Variants in FNBP1L observed in about 807,000 individuals in gnomAD.
The protein encoded by FNBP1L is formin-binding protein 1-like.
Under a neutral mutation model 91.2 loss-of-function variants are expected in FNBP1L, and 36 were observed. The ratio of observed to expected loss-of-function variants is 0.39; its 90% confidence interval spans 0.30 to 0.52. The LOEUF is 0.52. Among genes scored for constraint, FNBP1L ranks in the 20% least tolerant of loss-of-function variants. The pLI is 0.66. For missense variants in FNBP1L, 571 were observed against 732.1 expected, an observed-to-expected ratio of 0.78 and a Z score of 2.54; for synonymous variants, 242 against 237.0, an observed-to-expected ratio of 1.02 and a Z score of -0.19.
chr1:93,549,827 A>AC (rs1423315818), intron 15 of FNBP1L, among the ~76,000 whole-genome samples: 4 of 152,128 alleles, frequency 2.6e-5, no homozygotes. Context: ...ACATTAAGAG[A>AC]CAGGTACAAG....
chr1:93,489,852 G>A (rs1670038669), intron 1 of FNBP1L, among the ~76,000 whole-genome samples: 1 of 152,136 alleles, frequency 6.6e-6, no homozygotes, highest in Non-Finnish European at 1.5e-5. Context: ...AGTTTCTGCA[G>A]TCCATAAGAG....
intron 14 of FNBP1L, 109 bp downstream of exon 14, chr1:93,547,550 T>C (rs2101774950): frequency 1.2e-6 from 1 of 851,876 alleles, no homozygotes; most frequent in Admixed American, 2.7e-5. Context: ...AAGTTAAGCT[T>C]TTAGTAACCT....
chr1:93,459,735 A>G (rs2101686784), intron 1 of FNBP1L, among the ~76,000 whole-genome samples: 1 of 152,286 alleles, frequency 6.6e-6, no homozygotes. Flanking sequence ...TATCCAAAGG[A>G]TAGGAAATTA....
intron 10 of FNBP1L, among the ~76,000 whole-genome samples, chr1:93,537,463 A>G (rs561998698): frequency 3.3e-5 from 5 of 151,912 alleles, no homozygotes; most frequent in Admixed American, 2.0e-4. Context: ...TTGGCCTCCT[A>G]TAGAACAAGA....
At chr1:93,480,124 T>G (rs2554841) in intron 1 of FNBP1L, among the ~76,000 whole-genome samples, 1 of 152,152 alleles carries the variant, frequency 6.6e-6, no homozygotes, top group Non-Finnish European at 1.5e-5. Flanking sequence ...CTGGTCCCTC[T>G]GTTAGGGGTC....
intron 1 of FNBP1L, among the ~76,000 whole-genome samples, chr1:93,455,388 T>C (rs569456154): frequency 1.3e-5 from 2 of 152,346 alleles, no homozygotes; most frequent in East Asian, 1.9e-4. Flanking sequence ...AAGGTCTCGC[T>C]GTATTGCTCA....
At position 93,546,702 on chromosome 1, in the gene FNBP1L, A is replaced by G. The variant is rs370264013; in HGVS notation, c.1275-140A>G. ...ACCTTTATGCAAATTGTCTTTAATC[A>G]GGTCATGTTAGACAAACTTAAAAAG... On this transcript the variant is annotated intron_variant, in intron 12 of 16. Transcript: ENST00000271234. The G allele has an allele frequency of 4.1e-4, 327 of 795,126 alleles. 1 individual carries two copies. The South Asian group carries it at 6.0e-3, about 15-fold the overall frequency. 49.3% of individuals were successfully genotyped at this position (795,126 alleles called of 1,614,324 possible). A position where few individuals can be genotyped will look rare whatever the true frequency, so the allele number is the denominator to read the frequency against.
At chr1:93,485,800 G>T (rs1038418144) in intron 1 of FNBP1L, among the ~76,000 whole-genome samples, 1 of 152,132 alleles carries the variant, frequency 6.6e-6, no homozygotes, top group Admixed American at 6.5e-5. Flanking sequence ...GGGTTCAAAC[G>T]ATTCTCCTGC....
At chr1:93,548,221 T>C (rs114336866) in intron 14 of FNBP1L, among the ~76,000 whole-genome samples, 1 of 152,188 alleles carries the variant, frequency 6.6e-6, no homozygotes, top group Non-Finnish European at 1.5e-5. Flanking sequence ...GTTTTTGTTA[T>C]TAGGTAAAAC....
chr1:93,463,308 G>C (rs1414803505), intron 1 of FNBP1L, among the ~76,000 whole-genome samples: 1 of 152,036 alleles, frequency 6.6e-6, no homozygotes, highest in Non-Finnish European at 1.5e-5. Context: ...AACAGATCTG[G>C]GTGCTGGGTA....
In FNBP1L at chr1:93,539,864, G is replaced by A. The variant is rs562126006; in HGVS notation, c.1150-1178G>A. On this transcript the variant is annotated intron_variant, in intron 10 of 16. Coordinates refer to ENST00000271234, the MANE Select transcript of FNBP1L (RefSeq NM_001164473.3). Reference sequence around the variant, plus strand: ...CAGTGACCAACTCATCAGAGATAAGGGGTAGATATTTTTGTCAGATTATTT... The same window carrying A: ...CAGTGACCAACTCATCAGAGATAAGAGGTAGATATTTTTGTCAGATTATTT... Among the ~76,000 whole-genome samples the A allele has an allele frequency of 5.3e-5, 8 of 152,104 alleles. No individual in the cohort carries two copies. In the South Asian group the frequency reaches 1.7e-3, roughly 32 times the overall value.
intron 5 of FNBP1L, among the ~76,000 whole-genome samples, chr1:93,525,936 T>C (rs1671478455): frequency 6.6e-6 from 1 of 152,190 alleles, no homozygotes; most frequent in African/African-American, 2.4e-5. Flanking sequence ...TGTAGGATTC[T>C]ATTTCCTAGT....
intron 2 of FNBP1L, among the ~76,000 whole-genome samples, chr1:93,510,372 C>T (rs143668772): frequency 3.6e-4 from 55 of 152,162 alleles, no homozygotes; most frequent in African/African-American, 6.5e-4. Context: ...CGGCTGGGTA[C>T]TCCAACAGAC....
chr1:93,546,860 G>C lies in FNBP1L; in HGVS notation c.1293G>C (p.Met431Ile), dbSNP rs1174689432. The part of the protein sequence containing the change: ...ESDQKDALNK[M>I]KDVYEKNPQM... ...TTTTTAGAGATGCACTCAACAAAATGAAAGATGTATATGAGAAGAATCCAC... is the reference window on the plus strand; with the variant it reads ...TTTTTAGAGATGCACTCAACAAAATCAAAGATGTATATGAGAAGAATCCAC... Residue 431 changes from methionine to isoleucine, a missense_variant, in exon 13 of 17, where the codon ATG becomes ATC. Physicochemically the swap from Met to Ile is conservative, Grantham distance 10 (BLOSUM62 1). Around this residue, in one of 5 missense-constraint regions of FNBP1L, gnomAD observed 189 missense variants for 219.7 expected, o/e 0.86. Transcript: ENST00000271234. The C allele has an allele frequency of 9.9e-6, 16 of 1,612,404 alleles. No homozygotes were observed. The highest frequency in any genetic ancestry group is 2.7e-5 in the African/African-American group (2 of 74,836).
At chr1:93,533,271 A>G (rs909847078) in intron 8 of FNBP1L, among the ~76,000 whole-genome samples, 1 of 152,216 alleles carries the variant, frequency 6.6e-6, no homozygotes, top group Admixed American at 6.5e-5. Context: ...TTAAAAAAAA[A>G]AAAAAGATTT....
intron 1 of FNBP1L, among the ~76,000 whole-genome samples, chr1:93,453,848 T>C (rs72961359): frequency 0.027 from 4,186 of 152,320 alleles, 200 homozygotes; most frequent in African/African-American, 0.095. Flanking sequence ...CTATTATGGC[T>C]TCAGCACTAA....
intron 11 of FNBP1L, 117 bp from the exon 12 acceptor site, chr1:93,543,990 G>GCCGTATCATTAAAAAA: frequency 1.8e-6 from 1 of 568,118 alleles, no homozygotes; most frequent in South Asian, 5.2e-5. Context: ...GGGGTTGCTT[G>GCCGTATCATTAAAAAA]AGGCAAATTT....
intron 1 of FNBP1L, among the ~76,000 whole-genome samples, chr1:93,477,560 A>G (rs1294218227): frequency 6.6e-6 from 1 of 152,246 alleles, no homozygotes; most frequent in Non-Finnish European, 1.5e-5. Flanking sequence ...TCTATTTCTC[A>G]TTAGACCTTT....
chr1:93,550,457 G>T (rs1455055980), intron 15 of FNBP1L, among the ~76,000 whole-genome samples: 1 of 152,174 alleles, frequency 6.6e-6, no homozygotes. Context: ...GAGTGAAAGA[G>T]TTGTGTATGG....
Sources: allele counts gnomAD v4.1 joint callset (sites outside exome capture counted in the v4.1 genomes callset), GRCh38; gene constraint gnomAD v4.1.1; regional missense constraint gnomAD v4.1.1; transcripts MANE v1.5; gene names NCBI Gene and HGNC (gene_info 2026-07-23, HGNC 2026-07-21).